PALD1: variants seen among roughly 807,000 people sequenced by gnomAD.
The protein encoded by PALD1 is phosphatase domain containing paladin 1.
PALD1 carries 57 observed loss-of-function variants against 96.0 expected under a neutral mutation model. That is an observed-to-expected ratio of 0.59 (90% confidence interval 0.48 to 0.74). The LOEUF is 0.74. Ranked by LOEUF, PALD1 falls within the 30% of genes least tolerant of loss-of-function variation. The pLI, the probability that PALD1 is intolerant of heterozygous loss-of-function variation, is 0.00. For missense variants in PALD1, 1,063 were observed against 1,143.7 expected, an observed-to-expected ratio of 0.93 and a Z score of 1.02; for synonymous variants, 464 against 473.6, an observed-to-expected ratio of 0.98 and a Z score of 0.26.
chr10:70,484,301 C>T (rs186683746), intron 1 of PALD1, among the ~76,000 whole-genome samples: 148 of 152,146 alleles, frequency 9.7e-4, no homozygotes, highest in African/African-American at 3.3e-3. Flanking sequence ...CCGTGCTCGA[C>T]CCCAATATTT....
Position 70,526,009 on chromosome 10 carries a change from G to C in PALD1, c.58G>C (p.Gly20Arg), listed in dbSNP as rs764570524. The change falls in exon 2 of 20, where the codon GGC (glycine) becomes CGC (arginine). Residue 20 changes from glycine (G) to arginine (R), a missense_variant. Physicochemically the swap from Gly to Arg is moderately radical, Grantham distance 125. Coordinates refer to ENST00000263563, the MANE Select transcript of PALD1 (RefSeq NM_014431.3). ...QTVSAGTPFE[G>R]LQGSGTMDSR... ...GGTCTCGGCAGGCACCCCATTTGAG[G>C]GCCTACAGGGCAGTGGCACGATGGA... 5 of 1,614,034 alleles carry C rather than the reference G, an allele frequency of 3.1e-6. No homozygotes were observed. The South Asian group carries it at 4.4e-5, about 14-fold the overall frequency.
the PALD1 span, among the ~76,000 whole-genome samples, chr10:70,467,543 G>A: frequency 3.9e-5 from 6 of 152,176 alleles, no homozygotes; most frequent in Non-Finnish European, 7.4e-5. Flanking sequence ...GCGGGGAAGC[G>A]GATGGCGTCT....
At chr10:70,542,717 G>A (rs1847276368) in intron 17 of PALD1, among the ~76,000 whole-genome samples, 1 of 152,280 alleles carries the variant, frequency 6.6e-6, no homozygotes, top group Admixed American at 6.5e-5. Flanking sequence ...TGGCTGTCAT[G>A]AGTAATGCTG....
At chr10:70,564,620 G>C in intron 19 of PALD1, 101 bp downstream of exon 19, 1 of 1,116,354 alleles carries the variant, frequency 9.0e-7, no homozygotes, top group South Asian at 1.5e-5. Flanking sequence ...CGGGGACCCC[G>C]TGACAGGCGG....
In PALD1 at chr10:70,521,776, T is replaced by C. The variant is rs57468013; in HGVS notation, c.-29-4147T>C. Among the ~76,000 whole-genome samples, 556 of 152,098 alleles carry C rather than the reference T, an allele frequency of 3.7e-3. 1 individual carries two copies. The highest frequency in any genetic ancestry group is 0.013 in the African/African-American group (532 of 41,504). On this transcript the variant is annotated intron_variant, in intron 1 of 19. Coordinates refer to ENST00000263563, the MANE Select transcript of PALD1 (RefSeq NM_014431.3). ...CTTGAACTCCTAACCTCAAGTGATC[T>C]GCCCGCTTTGGCCTTCCAAAGTGCT...
At chr10:70,514,606 C>CA (rs1428977219) in intron 1 of PALD1, among the ~76,000 whole-genome samples, 3 of 152,120 alleles carry the variant, frequency 2.0e-5, no homozygotes, top group Non-Finnish European at 4.4e-5. Flanking sequence ...AAGCCTGTCA[C>CA]CTGGGAGGTT....
At chr10:70,541,433 G>T in intron 16 of PALD1, 30 bp from the exon 17 acceptor site, 1 of 1,606,432 alleles carries the variant, frequency 6.2e-7, no homozygotes, top group Non-Finnish European at 8.5e-7. Flanking sequence ...TTGGGAGGGG[G>T]CTTCTGTCTC....
At chr10:70,529,079 A>C in intron 2 of PALD1, 150 bp from the exon 3 acceptor site, 45 of 568,534 alleles carry the variant, frequency 7.9e-5, no homozygotes, top group Non-Finnish European at 7.1e-5. Flanking sequence ...GAAGAAGGGA[A>C]GAGTGGATAT....
chr10:70,563,536 C>T (rs1200491614), intron 18 of PALD1, among the ~76,000 whole-genome samples: 4 of 152,238 alleles, frequency 2.6e-5, no homozygotes, highest in Non-Finnish European at 4.4e-5. Context: ...TGCACCCACA[C>T]ATCCTCTCCC....
Position 70,532,591 on chromosome 10 carries a change from T to C in PALD1, c.634-30T>C. On this transcript the variant is annotated intron_variant, in intron 5 of 19. Transcript: ENST00000263563. ...AGGGAGGGTCTTGAAGTTCAGGCCATGGCCCTCTGACCCCCACACCTCCCT... is the reference window on the plus strand; with the variant it reads ...AGGGAGGGTCTTGAAGTTCAGGCCACGGCCCTCTGACCCCCACACCTCCCT... The C allele has an allele frequency of 3.1e-6, 5 of 1,607,656 alleles. No individual in the cohort carries two copies. In the South Asian group the frequency reaches 4.5e-5, roughly 14 times the overall value.
chr10:70,472,327 C>T, the PALD1 span, among the ~76,000 whole-genome samples: 3 of 152,296 alleles, frequency 2.0e-5, no homozygotes, highest in East Asian at 5.8e-4. Flanking sequence ...ATGACGCGAT[C>T]TTGGCTCACT....
At chr10:70,470,527 T>TTTTTTATTATATAATAAATAATA in the PALD1 span, among the ~76,000 whole-genome samples, 29 of 146,938 alleles carry the variant, frequency 2.0e-4, no homozygotes, top group Non-Finnish European at 3.3e-4. Flanking sequence ...TGATTTATTA[T>TTTTTTATTATATAATAAATAATA]TTTTTATTAT....
intron 1 of PALD1, among the ~76,000 whole-genome samples, chr10:70,515,985 A>T (rs917939982): frequency 3.3e-5 from 5 of 152,094 alleles, no homozygotes; most frequent in African/African-American, 1.2e-4. Context: ...CCTCTAACAG[A>T]TATTTATTAA....
At chr10:70,502,822 G>GTGAT (rs533498332) in intron 1 of PALD1, among the ~76,000 whole-genome samples, 2 of 152,160 alleles carry the variant, frequency 1.3e-5, no homozygotes, top group Non-Finnish European at 2.9e-5. Context: ...CACCTCCGAT[G>GTGAT]TGATGATGGA....
intron 1 of PALD1, among the ~76,000 whole-genome samples, chr10:70,497,183 G>A (rs1200664776): frequency 6.6e-6 from 1 of 152,244 alleles, no homozygotes; most frequent in Non-Finnish European, 1.5e-5. Flanking sequence ...TTGGATGTTG[G>A]TGCTGGCCAG....
upstream of PALD1, among the ~76,000 whole-genome samples, chr10:70,474,327 G>A (rs1252093000): frequency 1.3e-5 from 2 of 152,140 alleles, no homozygotes; most frequent in African/African-American, 2.4e-5. Context: ...TTGGGCAGCC[G>A]AGGCAGGTGG....
intron 12 of PALD1, 48 bp downstream of exon 12, chr10:70,538,456 C>A: frequency 6.3e-7 from 1 of 1,582,706 alleles, no homozygotes; most frequent in Non-Finnish European, 8.6e-7. Context: ...GTGTACTGGC[C>A]CTGGCCCCTA....
Position 70,531,439 on chromosome 10 carries a change from G to A in PALD1, c.618G>A (p.Leu206=). The change falls in exon 5 of 20, where the codon CTG becomes CTA. Residue 206 remains leucine, a synonymous_variant. Coordinates refer to ENST00000263563, the MANE Select transcript of PALD1 (RefSeq NM_014431.3). The stretch of plus-strand genomic sequence containing the variant: ...GGGTCCGGGTGGAGAGCCTGGAGCT[G>A]GCCATCCGGAAAGAGGTGAGGACCA... ...GPGVRVESLE[L]AIRKEIHDFA... The A allele has an allele frequency of 6.2e-7, 1 of 1,613,646 alleles. No individual in the cohort carries two copies. Among genetic ancestry groups the A allele is most frequent in the Non-Finnish European group, 8.5e-7 (1 of 1,179,736 alleles).
chr10:70,564,185 G>A (rs1190226128), intron 18 of PALD1, among the ~76,000 whole-genome samples, 179 bp from the exon 19 acceptor site: 1 of 152,194 alleles, frequency 6.6e-6, no homozygotes, highest in African/African-American at 2.4e-5. Flanking sequence ...TAGGAAGTGG[G>A]CTCCTGACCC....
Sources: allele counts gnomAD v4.1 joint callset (sites outside exome capture counted in the v4.1 genomes callset), GRCh38; gene constraint gnomAD v4.1.1; transcripts MANE v1.5; gene names NCBI Gene and HGNC (gene_info 2026-07-23, HGNC 2026-07-21).